The following FMN1 variants were observed in gnomAD, a reference collection of about 807,000 sequenced individuals.
The protein encoded by FMN1 is formin 1.
In FMN1, 110 loss-of-function variants were observed where a neutral mutation model predicts 132.4. The observed-to-expected ratio is 0.83, with a 90% CI of 0.71 to 0.97. The LOEUF is 0.97. FMN1 is among the 50% of genes least tolerant of loss of function. FMN1 has a pLI of 0.00. For synonymous variants in FMN1, 722 were observed against 651.7 expected (o/e 1.11, Z -1.64); for missense variants, 1,792 against 1,705.3 (o/e 1.05, Z -0.90).
intron 16 of FMN1, among the ~76,000 whole-genome samples, chr15:32,858,000 C>T (rs1596100894): frequency 1.3e-5 from 2 of 152,292 alleles, no homozygotes; most frequent in African/African-American, 4.8e-5. Context: ...TTGACCATGG[C>T]TGGAAATTAG....
chr15:32,901,801 A>C (rs2060302969), intron 13 of FMN1, 110 bp downstream of exon 13: 2 of 807,300 alleles, frequency 2.5e-6, no homozygotes, highest in Non-Finnish European at 1.8e-6. Context: ...TTAGAAAAAC[A>C]TACAATCTGA....
chr15:32,895,372 C>T (rs1355896853), intron 15 of FMN1, among the ~76,000 whole-genome samples: 2 of 149,114 alleles, frequency 1.3e-5, no homozygotes, highest in Non-Finnish European at 1.5e-5. Context: ...AAAAAAAAAA[C>T]AAAAACACAA....
chr15:32,970,310 C>T (rs2031671442), intron 7 of FMN1, among the ~76,000 whole-genome samples: 2 of 152,154 alleles, frequency 1.3e-5, no homozygotes. Flanking sequence ...AATTGGAAAG[C>T]AAATTTAGAA....
intron 6 of FMN1, among the ~76,000 whole-genome samples, chr15:33,028,898 A>C (rs964684407): frequency 6.6e-6 from 1 of 152,250 alleles, no homozygotes; most frequent in African/African-American, 2.4e-5. Context: ...ACGCTAGTCC[A>C]AACAACAAGT....
chr15:32,821,433 T>C (rs899524748), intron 17 of FMN1, among the ~76,000 whole-genome samples: 3 of 148,108 alleles, frequency 2.0e-5, no homozygotes, highest in Non-Finnish European at 4.5e-5. Flanking sequence ...ACTTTTTGAC[T>C]AATAAATATT....
intron 6 of FMN1, 89 bp downstream of exon 6, chr15:33,064,868 C>T: frequency 1.1e-6 from 1 of 876,838 alleles, no homozygotes; most frequent in South Asian, 1.7e-5. Flanking sequence ...TGAAATAAAA[C>T]CCCAAATTCT....
chr15:32,848,661 G>T (rs1233103117), intron 17 of FMN1, among the ~76,000 whole-genome samples: 1 of 152,174 alleles, frequency 6.6e-6, no homozygotes, highest in Non-Finnish European at 1.5e-5. Flanking sequence ...GAGAAGCAAT[G>T]AATAGGAAGC....
At chr15:32,965,286 G>A (rs2031092323) in intron 8 of FMN1, among the ~76,000 whole-genome samples, 1 of 152,020 alleles carries the variant, frequency 6.6e-6, no homozygotes, top group Admixed American at 6.6e-5. Flanking sequence ...TGTAATCCTA[G>A]CTACTTGGGA....
chr15:33,056,733 G>A (rs28750521), intron 6 of FMN1, among the ~76,000 whole-genome samples: 43,509 of 152,110 alleles, frequency 0.29, 6,363 homozygotes, highest in Non-Finnish European at 0.31. Context: ...GGATAAATAT[G>A]TTGCAATATA....
intron 5 of FMN1, among the ~76,000 whole-genome samples, chr15:33,074,356 A>C (rs908902000): frequency 1.3e-5 from 2 of 152,336 alleles, no homozygotes; most frequent in East Asian, 1.9e-4. Flanking sequence ...CCCTGCCTTC[A>C]TGCTGTGGCG....
At chr15:32,804,877 A>G (rs1229148896) in intron 17 of FMN1, among the ~76,000 whole-genome samples, 2 of 152,170 alleles carry the variant, frequency 1.3e-5, no homozygotes, top group African/African-American at 4.8e-5. Flanking sequence ...TCCATGGTGT[A>G]TATGTGCCAC....
At chr15:32,915,571 C>T (rs1455880573) in intron 10 of FMN1, among the ~76,000 whole-genome samples, 2 of 152,240 alleles carry the variant, frequency 1.3e-5, no homozygotes, top group Admixed American at 1.3e-4. Flanking sequence ...AGGCACACCG[C>T]TCATAAACTG....
chr15:33,167,538 C>G (rs1299218719), intron 3 of FMN1, among the ~76,000 whole-genome samples: 1 of 152,174 alleles, frequency 6.6e-6, no homozygotes, highest in Non-Finnish European at 1.5e-5. Context: ...ATGCCTCATT[C>G]ATTTACAGTT....
intron 19 of FMN1, among the ~76,000 whole-genome samples, chr15:32,798,082 C>G (rs551474997): frequency 5.3e-5 from 8 of 151,952 alleles, no homozygotes; most frequent in African/African-American, 1.9e-4. Context: ...TCCATGACAC[C>G]CCTTCCATAA....
intron 9 of FMN1, among the ~76,000 whole-genome samples, chr15:32,936,817 G>C (rs1408148945): frequency 6.6e-6 from 1 of 152,188 alleles, no homozygotes; most frequent in Non-Finnish European, 1.5e-5. Flanking sequence ...ACAACACTGT[G>C]AAAAGGTGAA....
At chr15:33,193,423 G>A (rs1240429554) in intron 2 of FMN1, among the ~76,000 whole-genome samples, 6 of 151,994 alleles carry the variant, frequency 3.9e-5, no homozygotes, top group Non-Finnish European at 5.9e-5. Flanking sequence ...ATTTAGATGC[G>A]CCCCTCCGCC....
intron 3 of FMN1, among the ~76,000 whole-genome samples, chr15:33,175,366 A>T (rs144023181): frequency 6.6e-6 from 1 of 152,062 alleles, no homozygotes; most frequent in Admixed American, 6.5e-5. Context: ...ACCATGCCCA[A>T]CCTGAAGGAA....
intron 17 of FMN1, among the ~76,000 whole-genome samples, chr15:32,842,055 T>C (rs1221981466): frequency 6.6e-6 from 1 of 152,222 alleles, no homozygotes. Context: ...AGTTGAACGG[T>C]GGCGTCTATT....
At chr15:32,999,043 T>C (rs1257267483) in intron 7 of FMN1, among the ~76,000 whole-genome samples, 1 of 152,174 alleles carries the variant, frequency 6.6e-6, no homozygotes, top group Non-Finnish European at 1.5e-5. Context: ...CATTTCACAG[T>C]CACACTAAAA....
Sources: allele counts gnomAD v4.1 joint callset (sites outside exome capture counted in the v4.1 genomes callset), GRCh38; gene constraint gnomAD v4.1.1; transcripts MANE v1.5; gene names NCBI Gene and HGNC (gene_info 2026-07-23, HGNC 2026-07-21).